Variants in SGPP2 observed in about 807,000 individuals in gnomAD.
The protein encoded by SGPP2 is sphingosine 1-phosphate phosphohydrolase 2.
A neutral mutation model predicts 33.9 loss-of-function variants in SGPP2; 30 were observed. That is an observed-to-expected ratio of 0.89 (90% CI 0.66 to 1.20). The LOEUF (loss-of-function observed/expected upper bound fraction) is 1.20, where lower values mean the gene tolerates loss of function less well. SGPP2 is among the 50% of genes most tolerant of loss of function. The pLI is 0.00. For synonymous variants in SGPP2, 233 were observed against 225.0 expected (o/e 1.04, Z -0.32); for missense variants, 458 against 532.1 (o/e 0.86, Z 1.37).
intron 4 of SGPP2, among the ~76,000 whole-genome samples, chr2:222,526,944 C>A (rs1401808659): frequency 6.6e-6 from 1 of 152,144 alleles, no homozygotes; most frequent in Non-Finnish European, 1.5e-5. Flanking sequence ...ACCTGTGTAA[C>A]AAACCTGCAT....
rs1306660408 is a variant in SGPP2 at position 222,424,840 on chromosome 2, T to A, written c.219+19T>A. The A allele has an allele frequency of 7.5e-7, 1 of 1,330,938 alleles. No homozygotes were observed. The highest frequency in any genetic ancestry group is 3.8e-5 in the Admixed American group (1 of 26,412). 82.4% of individuals were successfully genotyped at this position (1,330,938 alleles called of 1,614,324 possible). On this transcript the variant is annotated intron_variant, in intron 1 of 4. Transcript: ENST00000321276. Reference sequence around the variant, plus strand: ...GCCGGAGGTAACCATGGGCAGGTGTTCGCCGGGTACGGGGAGGGGGCGGCT... The same window carrying A: ...GCCGGAGGTAACCATGGGCAGGTGTACGCCGGGTACGGGGAGGGGGCGGCT...
intron 1 of SGPP2, among the ~76,000 whole-genome samples, chr2:222,455,197 C>G (rs1001008396): frequency 6.9e-6 from 1 of 145,196 alleles, no homozygotes; most frequent in African/African-American, 2.6e-5. Flanking sequence ...TAGTGAGACC[C>G]CCCACCACTC....
intron 2 of SGPP2, among the ~76,000 whole-genome samples, chr2:222,518,407 A>G (rs1698637100): frequency 1.3e-5 from 2 of 152,182 alleles, no homozygotes; most frequent in African/African-American, 4.8e-5. Context: ...TGATGATTTT[A>G]AGTATTTTTT....
At chr2:222,479,001 G>A (rs578048435) in intron 2 of SGPP2, among the ~76,000 whole-genome samples, 2 of 152,142 alleles carry the variant, frequency 1.3e-5, no homozygotes, top group African/African-American at 2.4e-5. Flanking sequence ...TATGCCATTC[G>A]CTGTCAGAGT....
chr2:222,511,021 G>A (rs1030563196), intron 2 of SGPP2, among the ~76,000 whole-genome samples: 3 of 152,118 alleles, frequency 2.0e-5, no homozygotes, highest in Non-Finnish European at 4.4e-5. Context: ...AATTATTTAG[G>A]TGTTATTTAT....
intron 4 of SGPP2, among the ~76,000 whole-genome samples, chr2:222,547,311 A>G (rs1559176114): frequency 6.6e-6 from 1 of 152,182 alleles, no homozygotes; most frequent in African/African-American, 2.4e-5. Context: ...GCAGTTGTCA[A>G]AGATGATGTT....
At chr2:222,430,997 G>A (rs550954991) in intron 1 of SGPP2, among the ~76,000 whole-genome samples, 1 of 152,004 alleles carries the variant, frequency 6.6e-6, no homozygotes, top group South Asian at 2.1e-4. Flanking sequence ...AAAAAATTAG[G>A]TAAAAAATAA....
intron 1 of SGPP2, among the ~76,000 whole-genome samples, chr2:222,467,868 T>A (rs1697770248): frequency 7.1e-6 from 1 of 140,316 alleles, no homozygotes; most frequent in African/African-American, 2.7e-5. Context: ...CCCCCCGAGA[T>A]GTGAACTCCT....
chr2:222,543,785 C>T (rs1689127540), intron 4 of SGPP2, among the ~76,000 whole-genome samples: 1 of 152,196 alleles, frequency 6.6e-6, no homozygotes. Flanking sequence ...CAGATAGTGA[C>T]AGCCCCTAAC....
chr2:222,538,602 C>A (rs1446688704), intron 4 of SGPP2, among the ~76,000 whole-genome samples: 1 of 152,116 alleles, frequency 6.6e-6, no homozygotes, highest in Non-Finnish European at 1.5e-5. Flanking sequence ...TATGAAGCTT[C>A]CTTGTTTTAA....
intron 1 of SGPP2, among the ~76,000 whole-genome samples, chr2:222,446,383 A>T (rs1245012422): frequency 2.0e-5 from 3 of 152,210 alleles, no homozygotes; most frequent in Non-Finnish European, 4.4e-5. Flanking sequence ...TATGTTTTTA[A>T]TGTAGGAACT....
intron 2 of SGPP2, among the ~76,000 whole-genome samples, chr2:222,495,182 G>C (rs1471154740): frequency 1.3e-5 from 2 of 152,196 alleles, no homozygotes; most frequent in Non-Finnish European, 2.9e-5. Context: ...GGGAGGCTGA[G>C]GTGGGAGGAT....
intron 2 of SGPP2, among the ~76,000 whole-genome samples, chr2:222,483,673 C>T (rs1355897378): frequency 6.6e-6 from 1 of 152,128 alleles, no homozygotes; most frequent in Non-Finnish European, 1.5e-5. Context: ...GGCAGGCTGC[C>T]ATCTGGCTGT....
At chr2:222,486,980 TCA>T (rs1698120866) in intron 2 of SGPP2, among the ~76,000 whole-genome samples, 1 of 152,168 alleles carries the variant, frequency 6.6e-6, no homozygotes, top group Admixed American at 6.5e-5. Flanking sequence ...TGAGAGTAAG[TCA>T]CCTTTTCCTT....
At position 222,558,606 on chromosome 2, in the gene SGPP2, C is replaced by T; in HGVS notation, c.908C>T (p.Pro303Leu). ...INHFFQLVSK[P>L]AESLPVIQNI... ...CATTTCTTCCAGCTTGTATCCAAGC[C>T]CGCTGAATCTCTCCCTGTTATTCAG... The change falls in exon 5 of 5, where the codon CCC becomes CTC. Residue 303 changes from proline (P) to leucine (L), a missense_variant. Physicochemically the swap from Pro to Leu is moderately conservative, Grantham distance 98 (BLOSUM62 -3). Coordinates refer to ENST00000321276, the MANE Select transcript of SGPP2 (RefSeq NM_152386.4). 1 of 1,614,168 alleles carries T rather than the reference C, an allele frequency of 6.2e-7. No homozygotes were observed. The highest frequency in any genetic ancestry group is 1.7e-5 in the Admixed American group (1 of 60,024).
At position 222,476,859 on chromosome 2, in the gene SGPP2, T is replaced by C. The variant is rs980487057; in HGVS notation, c.378+2133T>C. Among the ~76,000 whole-genome samples, 1 of 151,124 alleles carries C rather than the reference T, an allele frequency of 6.6e-6. No homozygotes were observed. The highest frequency in any genetic ancestry group is 1.5e-5 in the Non-Finnish European group (1 of 67,930). On this transcript the variant is annotated intron_variant, in intron 2 of 4. Coordinates refer to ENST00000321276, the MANE Select transcript of SGPP2 (RefSeq NM_152386.4). The surrounding 1 kb of genome is among the most constrained non-coding windows in gnomAD (Gnocchi z 4.3). ...GTATGTGTGTATATAGGTGTGTATA[T>C]GTGTATATATAGGTGTGTGTATATA...
chr2:222,492,014 G>T (rs1010650602), intron 2 of SGPP2, among the ~76,000 whole-genome samples: 5 of 152,168 alleles, frequency 3.3e-5, no homozygotes, highest in Admixed American at 2.6e-4. Context: ...GCTTCAAAAT[G>T]ATCTCCTTTG....
intron 4 of SGPP2, among the ~76,000 whole-genome samples, chr2:222,532,026 A>G (rs1338819673): frequency 2.0e-5 from 3 of 152,124 alleles, no homozygotes; most frequent in African/African-American, 7.2e-5. Context: ...TAATCTCAGC[A>G]CTTTGGGAGG....
In SGPP2 at chr2:222,503,979, A is replaced by G. The variant is rs149704753; in HGVS notation, c.379-17788A>G. The G allele has an allele frequency of 3.3e-5, 5 of 152,324 alleles. No homozygotes were observed. The East Asian group carries it at 7.7e-4, about 23-fold the overall frequency. The allele number at this position is 152,324 out of a possible 1,614,324, so 9.4% of individuals were successfully genotyped here. ...ACAGCTTGATTAAGTGATCATTGAG[A>G]GCAATACCCTCCCCAGATCAAAAAT... On this transcript the variant is annotated intron_variant, in intron 2 of 4. Coordinates refer to ENST00000321276, the MANE Select transcript of SGPP2 (RefSeq NM_152386.4).
Sources: gnomAD v4.1 joint callset for allele counts (sites outside exome capture counted in the v4.1 genomes callset) on GRCh38, gnomAD v4.1.1 for gene constraint, Gnocchi (gnomAD v3.1) non-coding constraint, MANE v1.5 for transcripts, NCBI Gene and HGNC (gene_info 2026-07-23, HGNC 2026-07-21) for gene names.